The following ATXN1 variants were observed in gnomAD, a reference collection of about 807,000 sequenced individuals.
The protein encoded by ATXN1 is ataxin 1, also known as ataxin-1.
In ATXN1, 8 loss-of-function variants were observed where a neutral mutation model predicts 56.4. That is an observed-to-expected ratio of 0.14 (90% CI 0.08 to 0.26). The LOEUF (loss-of-function observed/expected upper bound fraction) is 0.26. ATXN1 is among the 10% of genes least tolerant of loss of function. The pLI is 1.00. For synonymous variants in ATXN1, 514 were observed against 494.6 expected (o/e 1.04, Z -0.52); for missense variants, 987 against 1,106.5 (o/e 0.89, Z 1.53).
Position 16,475,320 on chromosome 6 carries a change from C to CCTG in ATXN1, c.-161+10651_-161+10652insCAG. The stretch of plus-strand genomic sequence containing the variant: ...TGACAATGACAGTTAATGACAACTC[C>CCTG]TATTATAGCAGAAATGTCTCTACAA... On this transcript the variant is annotated intron_variant, in intron 6 of 7. Coordinates refer to ENST00000436367, the MANE Select transcript of ATXN1 (RefSeq NM_001128164.2). Among the ~76,000 whole-genome samples the CCTG allele has an allele frequency of 2.6e-5, 4 of 152,290 alleles. No homozygotes were observed. In the South Asian group the frequency reaches 8.3e-4, roughly 32 times the overall value.
intron 6 of ATXN1, among the ~76,000 whole-genome samples, chr6:16,369,346 C>A (rs1036972104): frequency 6.6e-6 from 1 of 152,196 alleles, no homozygotes; most frequent in South Asian, 2.1e-4. Context: ...TTCCCTCCTT[C>A]GTACCTCCAC....
At chr6:16,461,493 C>G (rs1561905065) in intron 6 of ATXN1, among the ~76,000 whole-genome samples, 1 of 152,198 alleles carries the variant, frequency 6.6e-6, no homozygotes, top group African/African-American at 2.4e-5. Context: ...CGTAAGGCCC[C>G]TTTTGGGGAA....
chr6:16,345,937 T>C lies in ATXN1; in HGVS notation c.-160-17467A>G, dbSNP rs554839192. Among the ~76,000 whole-genome samples the C allele has an allele frequency of 3.3e-5, 5 of 152,132 alleles. No homozygotes were observed. In the South Asian group the frequency reaches 6.2e-4, roughly 19 times the overall value. ...CCCCAGCTCAGCGTCATTAACTTAA[T>C]CAGGTATTCATTCAATAAAAAAAAA... is the stretch of plus-strand genomic sequence containing the variant. On this transcript the variant is annotated intron_variant, in intron 6 of 7. Coordinates refer to ENST00000436367, the MANE Select transcript of ATXN1 (RefSeq NM_001128164.2).
chr6:16,347,178 C>T (rs1761430013), intron 6 of ATXN1, among the ~76,000 whole-genome samples: 2 of 152,242 alleles, frequency 1.3e-5, no homozygotes, highest in South Asian at 4.1e-4. Flanking sequence ...CCGCCCCCTG[C>T]TCCACAGCGC....
chr6:16,686,586 C>T (rs1453185163), intron 2 of ATXN1, among the ~76,000 whole-genome samples: 1 of 152,130 alleles, frequency 6.6e-6, no homozygotes, highest in Admixed American at 6.5e-5. Flanking sequence ...CTTGACCACT[C>T]GAGCTACTCA....
At chr6:16,544,147 C>G (rs1761768245) in intron 4 of ATXN1, among the ~76,000 whole-genome samples, 1 of 152,196 alleles carries the variant, frequency 6.6e-6, no homozygotes, top group Admixed American at 6.5e-5. Flanking sequence ...CCCTCGCATG[C>G]TCCAGGTCTC....
intron 6 of ATXN1, among the ~76,000 whole-genome samples, chr6:16,467,200 G>A (rs775934161): frequency 5.9e-5 from 9 of 152,168 alleles, no homozygotes; most frequent in South Asian, 2.1e-4. Context: ...CTCTGGAGGC[G>A]CTTTCTTGAT....
rs867455479 is a variant in ATXN1 at position 16,756,097 on chromosome 6, G to A, written c.-729-2750C>T. On this transcript the variant is annotated intron_variant, in intron 1 of 7. Coordinates refer to ENST00000436367, the MANE Select transcript of ATXN1 (RefSeq NM_001128164.2). ...TAGCCTGAAAGTTCAAATTATGAGC[G>A]TTATAAAATATATTACTACACTAAT... Among the ~76,000 whole-genome samples, 12 of 151,820 alleles carry A rather than the reference G, an allele frequency of 7.9e-5. No homozygotes were observed. The South Asian group carries it at 8.3e-4, about 11-fold the overall frequency.
At chr6:16,603,698 G>C (rs943271087) in intron 3 of ATXN1, among the ~76,000 whole-genome samples, 17 of 152,186 alleles carry the variant, frequency 1.1e-4, no homozygotes, top group African/African-American at 4.1e-4. Flanking sequence ...CACAAGAAAA[G>C]ACGCGGGAGG....
At chr6:16,692,129 A>T (rs1759060121) in intron 2 of ATXN1, among the ~76,000 whole-genome samples, 1 of 152,178 alleles carries the variant, frequency 6.6e-6, no homozygotes, top group Non-Finnish European at 1.5e-5. Flanking sequence ...GGTGGCACGC[A>T]CCTGTAGTCC....
chr6:16,424,367 T>C (rs189566989), intron 6 of ATXN1, among the ~76,000 whole-genome samples: 1 of 152,220 alleles, frequency 6.6e-6, no homozygotes, highest in East Asian at 1.9e-4. Flanking sequence ...ATCTGGAAAA[T>C]CACAGCAGAG....
chr6:16,557,125 A>C (rs1204056492), intron 4 of ATXN1, among the ~76,000 whole-genome samples: 1 of 152,078 alleles, frequency 6.6e-6, no homozygotes, highest in Non-Finnish European at 1.5e-5. Context: ...GGAGTTCGAG[A>C]CCAGCCTAAC....
intron 6 of ATXN1, among the ~76,000 whole-genome samples, chr6:16,388,059 T>C (rs1027520854): frequency 5.9e-5 from 9 of 152,308 alleles, no homozygotes; most frequent in African/African-American, 2.2e-4. Flanking sequence ...GATGTGATCA[T>C]TAAACGACAA....
At chr6:16,321,193 G>A (rs756286323) in intron 7 of ATXN1, among the ~76,000 whole-genome samples, 12 of 152,154 alleles carry the variant, frequency 7.9e-5, no homozygotes, top group Non-Finnish European at 1.3e-4. Flanking sequence ...GAGGAGGTGC[G>A]AAGCCCCATC....
At chr6:16,344,379 A>C (rs1761330760) in intron 6 of ATXN1, among the ~76,000 whole-genome samples, 2 of 152,146 alleles carry the variant, frequency 1.3e-5, no homozygotes, top group South Asian at 4.1e-4. Context: ...GGTGTTGCCA[A>C]AGGAGATAAA....
chr6:16,607,719 T>G (rs1469134401), intron 3 of ATXN1, among the ~76,000 whole-genome samples: 1 of 152,228 alleles, frequency 6.6e-6, no homozygotes, highest in African/African-American at 2.4e-5. Flanking sequence ...GGGTCAAGCA[T>G]ATCCCCAAAT....
Position 16,702,100 on chromosome 6 carries a change from G to A in ATXN1, c.-614-44199C>T, listed in dbSNP as rs565412772. Among the ~76,000 whole-genome samples the A allele has an allele frequency of 4.7e-3, 717 of 152,090 alleles. 7 individuals are homozygous for A. The highest frequency in any genetic ancestry group is 0.016 in the African/African-American group (680 of 41,390). Reference sequence around the variant, plus strand: ...CTTCAAACTATACTACAAGGCTACAGTAATCAAAACAGCATGGTACTGGTA... The same window carrying A: ...CTTCAAACTATACTACAAGGCTACAATAATCAAAACAGCATGGTACTGGTA... On this transcript the variant is annotated intron_variant, in intron 2 of 7. Coordinates refer to ENST00000436367, the MANE Select transcript of ATXN1 (RefSeq NM_001128164.2).
chr6:16,644,191 T>C (rs1008885891), intron 3 of ATXN1, among the ~76,000 whole-genome samples: 11 of 152,170 alleles, frequency 7.2e-5, no homozygotes. Context: ...TGCACTACAC[T>C]GGAAATGTAC....
intron 2 of ATXN1, among the ~76,000 whole-genome samples, chr6:16,742,775 C>T (rs1144697): frequency 0.46 from 70,425 of 151,978 alleles, 18,888 homozygotes; most frequent in East Asian, 0.86. Flanking sequence ...CCTACCCCAC[C>T]GGTTTCATAC....
Sources: gnomAD v4.1 joint callset for allele counts (sites outside exome capture counted in the v4.1 genomes callset) on GRCh38, gnomAD v4.1.1 for gene constraint, MANE v1.5 for transcripts, NCBI Gene and HGNC (gene_info 2026-07-23, HGNC 2026-07-21) for gene names.